SHMT1: variants seen among roughly 807,000 people sequenced by gnomAD.
SHMT1 encodes the protein serine hydroxymethyltransferase, cytosolic.
A neutral mutation model predicts 49.0 loss-of-function variants in SHMT1; 45 were observed. The observed-to-expected ratio is 0.92, with a 90% CI of 0.72 to 1.18. The LOEUF is 1.18. SHMT1 is among the 50% of genes most tolerant of loss of function. The pLI, the probability that SHMT1 is intolerant of heterozygous loss-of-function variation, is 0.00. For synonymous variants in SHMT1, 232 were observed against 246.6 expected (o/e 0.94, Z 0.55); for missense variants, 541 against 612.4 (o/e 0.88, Z 1.23).
intron 1 of SHMT1, among the ~76,000 whole-genome samples, chr17:18,362,338 T>C (rs1453558770): frequency 1.3e-5 from 2 of 152,198 alleles, no homozygotes; most frequent in South Asian, 2.1e-4. Flanking sequence ...TTCTTTCTTT[T>C]GAGATAGAGT....
At chr17:18,349,180 G>A (rs559837788) in intron 3 of SHMT1, among the ~76,000 whole-genome samples, 1 of 152,210 alleles carries the variant, frequency 6.6e-6, no homozygotes, top group East Asian at 1.9e-4. Flanking sequence ...AGCACTTTGG[G>A]AGGCCGAGGT....
chr17:18,346,675 G>A (rs1985111975), intron 5 of SHMT1, among the ~76,000 whole-genome samples: 1 of 152,112 alleles, frequency 6.6e-6, no homozygotes, highest in Non-Finnish European at 1.5e-5. Context: ...ATATCATAAA[G>A]TCAAAAATGC....
At chr17:18,335,251 C>T (rs1392754667) in intron 8 of SHMT1, among the ~76,000 whole-genome samples, 1 of 152,222 alleles carries the variant, frequency 6.6e-6, no homozygotes. Context: ...ACCCCAATCT[C>T]TCTCACCTGT....
intron 2 of SHMT1, among the ~76,000 whole-genome samples, chr17:18,354,836 A>G (rs638318): frequency 0.7 from 101,333 of 144,084 alleles, 36,150 homozygotes; most frequent in African/African-American, 0.85. Flanking sequence ...TCAGGAGATC[A>G]AGATCATCCT....
chr17:18,353,942 C>T, intron 2 of SHMT1, 125 bp from the exon 3 acceptor site: 2 of 889,710 alleles, frequency 2.2e-6, no homozygotes, highest in Non-Finnish European at 3.7e-6. Context: ...ATGAATCCTC[C>T]TCAAAGGTTT....
intron 3 of SHMT1, among the ~76,000 whole-genome samples, chr17:18,351,144 ATTTT>A (rs1187663604): frequency 4.0e-5 from 6 of 150,170 alleles, no homozygotes; most frequent in Non-Finnish European, 7.4e-5. Flanking sequence ...TTTTATTTTT[ATTTT>A]TATTATTTTT....
chr17:18,361,570 G>T (rs558057185), intron 1 of SHMT1, among the ~76,000 whole-genome samples: 1 of 151,792 alleles, frequency 6.6e-6, no homozygotes, highest in East Asian at 1.9e-4. Flanking sequence ...GGCAGATCAC[G>T]AGGTCAGGAG....
chr17:18,348,337 G>A lies in SHMT1; in HGVS notation c.346C>T (p.Gln116Ter). 6.2e-7 allele frequency: 1 copy of A among 1,610,710 alleles called. No homozygotes were observed. Among genetic ancestry groups the A allele is most frequent in the South Asian group, 1.1e-5 (1 of 90,976 alleles). Reference sequence around the variant, plus strand: ...ATGAGACAAGCACCTGAGTAGGGCTGGACGTTGACCCCCCAGCACTGTGGG... The same window carrying A: ...ATGAGACAAGCACCTGAGTAGGGCTAGACGTTGACCCCCCAGCACTGTGGG... ...LDPQCWGVNV[Q>*]PYSGSPANFA... Residue 116 changes from glutamine (Q) to a stop codon, truncating the protein, a stop_gained, in exon 4 of 12, where the codon CAG (glutamine) becomes TAG (stop). Coordinates refer to ENST00000316694, the MANE Select transcript of SHMT1 (RefSeq NM_004169.5). LOFTEE classifies it high-confidence loss of function.
At chr17:18,329,498 T>TA (rs1469466322) in intron 10 of SHMT1, 110 bp from the exon 11 acceptor site, 40 of 854,242 alleles carry the variant, frequency 4.7e-5, no homozygotes, top group Non-Finnish European at 7.6e-5. Flanking sequence ...GGATACTGGC[T>TA]GTCCCTAGCA....
intron 4 of SHMT1, 52 bp from the exon 5 acceptor site, chr17:18,347,708 G>C: frequency 6.2e-7 from 1 of 1,607,264 alleles, no homozygotes; most frequent in Non-Finnish European, 8.5e-7. Flanking sequence ...GAGGTACCAA[G>C]TGGCATCCGG....
chr17:18,348,643 C>G, intron 3 of SHMT1: 3 of 692,998 alleles, frequency 4.3e-6, no homozygotes, highest in Non-Finnish European at 8.1e-6. Context: ...GAGACCAAAC[C>G]AGCTGTGCAA....
chr17:18,349,192 G>A (rs1206796596), intron 3 of SHMT1, among the ~76,000 whole-genome samples: 1 of 152,076 alleles, frequency 6.6e-6, no homozygotes, highest in Non-Finnish European at 1.5e-5. Flanking sequence ...GGCCGAGGTG[G>A]GCAGATCACC....
chr17:18,360,898 G>A (rs1018061402), intron 1 of SHMT1, among the ~76,000 whole-genome samples: 6 of 152,120 alleles, frequency 3.9e-5, no homozygotes, highest in Non-Finnish European at 5.9e-5. Context: ...GGTCAGGCGC[G>A]GTGGCTGACG....
At chr17:18,347,446 A>T (rs775550042) in intron 5 of SHMT1, 50 bp downstream of exon 5, 1 of 1,603,082 alleles carries the variant, frequency 6.2e-7, no homozygotes, top group Non-Finnish European at 8.5e-7. Flanking sequence ...ACAGCCAAGC[A>T]TCAGAGGTTT....
intron 3 of SHMT1, among the ~76,000 whole-genome samples, chr17:18,349,983 G>T (rs911807046): frequency 6.6e-6 from 1 of 151,136 alleles, no homozygotes; most frequent in African/African-American, 2.4e-5. Context: ...TTGTACCATT[G>T]CACTCCACCC....
intron 9 of SHMT1, chr17:18,332,445 C>G (rs771817800): frequency 6.4e-6 from 1 of 155,084 alleles, no homozygotes; most frequent in Non-Finnish European, 1.4e-5. Flanking sequence ...AGAGAGTGGG[C>G]ACTCAGGTCT....
At position 18,329,333 on chromosome 17, in the gene SHMT1, C is replaced by T. The variant is rs776357592; in HGVS notation, c.1227G>A (p.Thr409=). 3.1e-6 allele frequency: 5 copies of T among 1,613,118 alleles called. No homozygotes were observed. The highest frequency in any genetic ancestry group is 1.1e-5 in the South Asian group (1 of 91,034). The stretch of plus-strand genomic sequence containing the variant: ...AGTCTTTTTCCAAAAGTCCACGGGA[C>T]GTCAGTGCTGGGGTCCCCAGCCGCA... ...SGLRLGTPAL[T]SRGLLEKDFQ... is the part of the protein sequence containing the mutation. Residue 409 remains threonine (T), a synonymous_variant, in exon 11 of 12, where the codon ACG becomes ACA. Transcript: ENST00000316694.
intron 5 of SHMT1, among the ~76,000 whole-genome samples, chr17:18,346,818 T>C (rs1189075462): frequency 6.6e-6 from 1 of 152,172 alleles, no homozygotes; most frequent in Non-Finnish European, 1.5e-5. Context: ...GTGTTGACTA[T>C]CTCATGTAAT....
chr17:18,330,892 A>C, intron 9 of SHMT1: 1 of 576,690 alleles, frequency 1.7e-6, no homozygotes, highest in Non-Finnish European at 3.2e-6. Context: ...CTGATCATAC[A>C]GCAGAGGGCC....
Sources: gnomAD v4.1 joint callset for allele counts (sites outside exome capture counted in the v4.1 genomes callset) on GRCh38, gnomAD v4.1.1 for gene constraint, MANE v1.5 for transcripts, NCBI Gene and HGNC (gene_info 2026-07-23, HGNC 2026-07-21) for gene names.